NDUFC1: variants seen among roughly 807,000 people sequenced by gnomAD.
The protein encoded by NDUFC1 is NADH:ubiquinone oxidoreductase subunit C1.
NDUFC1 carries 11 observed loss-of-function variants against 11.6 expected under a neutral mutation model. The ratio of observed to expected loss-of-function variants is 0.95; its 90% confidence interval spans 0.60 to 1.58. The LOEUF (loss-of-function observed/expected upper bound fraction) is 1.58. NDUFC1 is among the 40% of genes most tolerant of loss of function. The pLI, the probability that NDUFC1 is intolerant of heterozygous loss-of-function variation, is 0.00. For synonymous variants in NDUFC1, 52 were observed against 42.2 expected, an observed-to-expected ratio of 1.23 and a Z score of -0.90; for missense variants, 112 against 93.0, an observed-to-expected ratio of 1.20 and a Z score of -0.84.
At chr4:139,294,911 A>C in intron 4 of NDUFC1, 132 bp downstream of exon 4, 1 of 607,314 alleles carries the variant, frequency 1.6e-6, no homozygotes, top group Non-Finnish European at 3.0e-6. Flanking sequence ...ATCAGCGATT[A>C]TATAAATATC....
chr4:139,300,106 G>A (rs1745647743), intron 1 of NDUFC1, among the ~76,000 whole-genome samples: 2 of 152,158 alleles, frequency 1.3e-5, no homozygotes, highest in Non-Finnish European at 2.9e-5. Flanking sequence ...GCTTAAAAAT[G>A]AATTATAAGC....
At chr4:139,296,766 A>C (rs1049307840) in intron 2 of NDUFC1, among the ~76,000 whole-genome samples, 2 of 152,240 alleles carry the variant, frequency 1.3e-5, no homozygotes, top group African/African-American at 4.8e-5. Context: ...GTTCAATCTG[A>C]TGTCTAAAGA....
intron 1 of NDUFC1, chr4:139,301,254 G>A: frequency 3.0e-6 from 1 of 332,524 alleles, no homozygotes; most frequent in Non-Finnish European, 5.4e-6. Context: ...CGCCAGAGAG[G>A]CTGTTTTTGA....
chr4:139,292,051 A>T (rs1745244082), intron 5 of NDUFC1, among the ~76,000 whole-genome samples: 1 of 152,054 alleles, frequency 6.6e-6, no homozygotes, highest in African/African-American at 2.4e-5. Context: ...GTTAGCCAGG[A>T]TGGTCTTGAT....
At chr4:139,294,220 G>T (rs1745356716) in intron 4 of NDUFC1, among the ~76,000 whole-genome samples, 1 of 151,872 alleles carries the variant, frequency 6.6e-6, no homozygotes, top group Non-Finnish European at 1.5e-5. Context: ...TGGGATTACA[G>T]GTGTGAGCCA....
At chr4:139,297,582 A>G (rs1421285015) in intron 1 of NDUFC1, 139 bp from the exon 2 acceptor site, 3 of 152,236 alleles carry the variant, frequency 2.0e-5, no homozygotes, top group Non-Finnish European at 2.9e-5. Context: ...AGGTGAAAAG[A>G]GAGAGGATTT....
intron 1 of NDUFC1, chr4:139,301,783 G>A (rs1372184525): frequency 2.5e-6 from 4 of 1,579,352 alleles, no homozygotes; most frequent in Admixed American, 1.8e-5. Context: ...GAACGATGCC[G>A]GCCGTGAGCC....
intron 5 of NDUFC1, among the ~76,000 whole-genome samples, chr4:139,290,618 C>T (rs145736173): frequency 6.6e-6 from 1 of 151,944 alleles, no homozygotes; most frequent in East Asian, 1.9e-4. Context: ...ATATAAGTTA[C>T]TTAATCAACC....
chr4:139,298,795 C>T (rs987732388), intron 1 of NDUFC1, among the ~76,000 whole-genome samples: 3 of 151,846 alleles, frequency 2.0e-5, no homozygotes, highest in Non-Finnish European at 4.4e-5. Context: ...CACCCAAGCC[C>T]ACAAAGTAGC....
At position 139,295,098 on chromosome 4, in the gene NDUFC1, G is replaced by T; in HGVS notation, c.116C>A (p.Pro39His). The T allele has an allele frequency of 6.2e-7, 1 of 1,614,190 alleles. No individual in the cohort carries two copies. The highest frequency in any genetic ancestry group is 1.3e-5 in the African/African-American group (1 of 75,050). ...GGTGAACCCAACTTTCAGCCAGTCA[G>T]GTTTGGCATTCGGCGGCTCTCGCAC... ...FYVREPPNAKPDWLKVGFTLG... is the reference protein window; with the variant it reads ...FYVREPPNAKHDWLKVGFTLG... Residue 39 changes from proline (P) to histidine (H), a missense_variant, in exon 4 of 6, where the codon CCT becomes CAT. Physicochemically the swap from Pro to His is moderately conservative, Grantham distance 77. Transcript: ENST00000394223.
rs993924377 is a variant in NDUFC1, at chr4:139,295,771, G to C, written c.28C>G (p.Leu10Val). Reference sequence around the variant, plus strand: ...CTGGCGGGGGCCAGCAGCCGGGAAAGGGGACGCAGCAAGGCGGACGGCGCC... The same window carrying C: ...CTGGCGGGGGCCAGCAGCCGGGAAACGGGACGCAGCAAGGCGGACGGCGCC... MAPSALLRP[L>V]SRLLAPARLP... Residue 10 changes from leucine to valine, a missense_variant, in exon 3 of 6, where the codon CTT (leucine) becomes GTT (valine). Physicochemically the swap from Leu to Val is conservative, Grantham distance 32. Transcript: ENST00000394223. 1.9e-6 allele frequency: 3 copies of C among 1,553,176 alleles called. No homozygotes were observed. The highest frequency in any genetic ancestry group is 2.6e-6 in the Non-Finnish European group (3 of 1,150,306).
intron 5 of NDUFC1, among the ~76,000 whole-genome samples, chr4:139,290,660 G>A (rs1252364230): frequency 6.6e-6 from 1 of 151,458 alleles, no homozygotes; most frequent in Non-Finnish European, 1.5e-5. Context: ...TTAAGTGACT[G>A]TTCACTTATA....
At chr4:139,296,286 G>C (rs1279062125) in intron 2 of NDUFC1, 1 of 155,846 alleles carries the variant, frequency 6.4e-6, no homozygotes, top group African/African-American at 2.4e-5. Context: ...ACTCATCCAA[G>C]GTGACATATT....
At chr4:139,295,989 T>A in intron 2 of NDUFC1, 29 bp from the exon 3 acceptor site, 2 of 549,548 alleles carry the variant, frequency 3.6e-6, no homozygotes, top group African/African-American at 2.0e-5. Flanking sequence ...AAGAAAATAA[T>A]TAAAAGAAAA....
Position 139,295,916 on chromosome 4 carries a change from T to C in NDUFC1, c.-118A>G, listed in dbSNP as rs1055446159. The C allele has an allele frequency of 4.8e-6, 5 of 1,032,184 alleles. No individual in the cohort carries two copies. The highest frequency in any genetic ancestry group is 4.1e-4 in the Middle Eastern group (2 of 4,922). The allele number at this position is 1,032,184 out of a possible 1,614,324, so 63.9% of individuals were successfully genotyped here. The stretch of plus-strand genomic sequence containing the variant: ...GCTCCGTGGGGGCGTCAACGTGAAT[T>C]CCAGCACGGCAAGGTTCTCTAGCAC... On this transcript the variant is annotated 5_prime_UTR_variant, in exon 3 of 6. Transcript: ENST00000394223.
chr4:139,297,124 G>C (rs910792511), intron 2 of NDUFC1, among the ~76,000 whole-genome samples: 1 of 152,154 alleles, frequency 6.6e-6, no homozygotes, highest in African/African-American at 2.4e-5. Flanking sequence ...GCCACTTATT[G>C]TCCACTCAGC....
chr4:139,294,234 C>T (rs1422906407), intron 4 of NDUFC1, among the ~76,000 whole-genome samples: 1 of 151,766 alleles, frequency 6.6e-6, no homozygotes, highest in African/African-American at 2.4e-5. Context: ...TGAGCCACCA[C>T]GTCCGGCCTG....
chr4:139,295,178 A>C, intron 3 of NDUFC1, 32 bp from the exon 4 acceptor site: 1 of 1,553,910 alleles, frequency 6.4e-7, no homozygotes, highest in Non-Finnish European at 8.9e-7. Context: ...TAAATTTGTA[A>C]CTTACTGCCT....
chr4:139,291,961 C>T (rs568816844), intron 5 of NDUFC1, among the ~76,000 whole-genome samples: 5 of 151,696 alleles, frequency 3.3e-5, no homozygotes, highest in South Asian at 4.2e-4. Context: ...CTCAGCCTCG[C>T]GAGTAGCTGA....
Sources: allele counts gnomAD v4.1 joint callset (sites outside exome capture counted in the v4.1 genomes callset), GRCh38; gene constraint gnomAD v4.1.1; transcripts MANE v1.5; gene names NCBI Gene and HGNC (gene_info 2026-07-23, HGNC 2026-07-21).